EFCAB6: variants seen among roughly 807,000 people sequenced by gnomAD.
EFCAB6 encodes EF-hand calcium-binding domain-containing protein 6.
A neutral mutation model predicts 169.8 loss-of-function variants in EFCAB6; 156 were observed. The observed-to-expected ratio is 0.92, with a 90% CI of 0.81 to 1.05. EFCAB6 has a LOEUF of 1.05. Among genes scored for constraint, EFCAB6 ranks in the 50% least tolerant of loss-of-function variants. The probability of loss-of-function intolerance (pLI) is 0.00; values close to 1 mark genes in which losing one functional copy is unlikely to be tolerated. For missense variants in EFCAB6, 1,800 were observed against 1,829.1 expected (o/e 0.98, Z 0.29); for synonymous variants, 698 against 676.4 (o/e 1.03, Z -0.50).
At position 43,784,636 on chromosome 22, in the gene EFCAB6, TATGTAC is replaced by T. The variant is rs1405154800; in HGVS notation, c.-7-2317_-7-2312del. Among the ~76,000 whole-genome samples, 367 of 76,992 alleles carry T rather than the reference TATGTAC, an allele frequency of 4.8e-3. 48 individuals are homozygous for T. Among genetic ancestry groups the T allele is most frequent in the South Asian group, 0.017 (44 of 2,648 alleles). The allele number at this position is 76,992 out of a possible 152,430, so 50.5% of individuals were successfully genotyped here. A position where few individuals can be genotyped will look rare whatever the true frequency, so the allele number is the denominator to read the frequency against. ...GTGTATATATACACATATATATGTA[TATGTAC>T]ACATATATATGTGTATATATACATA... On this transcript the variant is annotated intron_variant, in intron 2 of 31. Transcript: ENST00000262726.
chr22:43,678,196 GAAAA>G, intron 12 of EFCAB6, 33 bp from the exon 13 acceptor site: 15 of 1,193,734 alleles, frequency 1.3e-5, no homozygotes, highest in Non-Finnish European at 1.1e-5. Flanking sequence ...GGGAATTTTT[GAAAA>G]AAAAAAAAAA....
intron 17 of EFCAB6, among the ~76,000 whole-genome samples, chr22:43,641,080 T>C (rs2055764023): frequency 6.6e-6 from 1 of 152,184 alleles, no homozygotes; most frequent in Non-Finnish European, 1.5e-5. Flanking sequence ...ATTGCTATTG[T>C]GTAGAGAATT....
intron 20 of EFCAB6, among the ~76,000 whole-genome samples, chr22:43,617,655 T>C (rs1471517060): frequency 6.6e-6 from 1 of 152,132 alleles, no homozygotes; most frequent in Non-Finnish European, 1.5e-5. Flanking sequence ...CAGCCTTCCT[T>C]CCTATCAGTC....
At chr22:43,765,455 A>G in intron 4 of EFCAB6, 62 bp from the exon 5 acceptor site, 1 of 1,296,870 alleles carries the variant, frequency 7.7e-7, no homozygotes, top group Non-Finnish European at 1.1e-6. Flanking sequence ...AATAGACGGT[A>G]AAGCAGATTT....
intron 21 of EFCAB6, among the ~76,000 whole-genome samples, chr22:43,613,697 TAACA>T (rs573991713): frequency 1.3e-5 from 2 of 152,130 alleles, no homozygotes; most frequent in East Asian, 3.9e-4. Context: ...ATAATCTGTA[TAACA>T]AACCGCCACG....
intron 30 of EFCAB6, among the ~76,000 whole-genome samples, chr22:43,534,035 T>C (rs2047239704): frequency 6.6e-6 from 1 of 152,226 alleles, no homozygotes; most frequent in Non-Finnish European, 1.5e-5. Context: ...GGTGGATTGC[T>C]TGAGCCCAGG....
At chr22:43,676,477 CACAT>C (rs1198616708) in intron 13 of EFCAB6, among the ~76,000 whole-genome samples, 6 of 151,526 alleles carry the variant, frequency 4.0e-5, no homozygotes, top group Non-Finnish European at 7.4e-5. Context: ...TGTGCCCACC[CACAT>C]ACAAAGAGTG....
At chr22:43,642,797 T>G (rs1280749947) in intron 17 of EFCAB6, among the ~76,000 whole-genome samples, 3 of 152,200 alleles carry the variant, frequency 2.0e-5, no homozygotes, top group Admixed American at 6.5e-5. Context: ...CATGGTCATG[T>G]GCACAGGCCG....
At position 43,784,547 on chromosome 22, in the gene EFCAB6, A is replaced by ATATACACATATATATG. The variant is rs1204100633; in HGVS notation, c.-7-2223_-7-2222insCATATATATGTGTATA. Among the ~76,000 whole-genome samples the ATATACACATATATATG allele has an allele frequency of 8.9e-4, 72 of 81,068 alleles. 4 individuals are homozygous for ATATACACATATATATG. The highest frequency in any genetic ancestry group is 1.4e-3 in the Non-Finnish European group (58 of 41,234). 53.2% of individuals were successfully genotyped at this position (81,068 alleles called of 152,430 possible). A position where few individuals can be genotyped will look rare whatever the true frequency, so the allele number is the denominator to read the frequency against. ...TGTGTGTGTGTGTGTGTGTGTGTAT[A>ATATACACATATATATG]TGTATATATACACATATATATGTGT... is the stretch of plus-strand genomic sequence containing the variant. On this transcript the variant is annotated intron_variant, in intron 2 of 31. Transcript: ENST00000262726.
chr22:43,579,107 C>T (rs1266337210), intron 25 of EFCAB6, among the ~76,000 whole-genome samples: 1 of 148,306 alleles, frequency 6.7e-6, no homozygotes, highest in African/African-American at 2.5e-5. Flanking sequence ...TGTCTACATG[C>T]AAGCATCATT....
chr22:43,729,237 A>G (rs1360253384), intron 8 of EFCAB6, among the ~76,000 whole-genome samples: 2 of 152,140 alleles, frequency 1.3e-5, no homozygotes, highest in African/African-American at 4.8e-5. Flanking sequence ...ACTAGGTCCA[A>G]CCTCCAACAC....
At chr22:43,647,470 G>A (rs938397852) in intron 17 of EFCAB6, among the ~76,000 whole-genome samples, 32 of 152,308 alleles carry the variant, frequency 2.1e-4, no homozygotes, top group African/African-American at 7.7e-4. Context: ...ATACAATAGT[G>A]AACAAAACAG....
At chr22:43,747,966 T>C (rs370247607) in intron 6 of EFCAB6, among the ~76,000 whole-genome samples, 1 of 152,216 alleles carries the variant, frequency 6.6e-6, no homozygotes, top group East Asian at 1.9e-4. Flanking sequence ...ACCATCATAA[T>C]GTGTTGCTTA....
intron 17 of EFCAB6, among the ~76,000 whole-genome samples, chr22:43,644,169 T>C (rs1173981648): frequency 6.6e-6 from 1 of 152,112 alleles, no homozygotes; most frequent in East Asian, 1.9e-4. Context: ...CTGCTTTATG[T>C]AGATTCACTC....
intron 22 of EFCAB6, among the ~76,000 whole-genome samples, chr22:43,605,316 C>G (rs1282395826): frequency 1.3e-5 from 2 of 152,252 alleles, no homozygotes; most frequent in Non-Finnish European, 1.5e-5. Context: ...AAAACTGACC[C>G]CTTCCTTGCT....
chr22:43,568,718 G>A (rs567609106), intron 26 of EFCAB6, among the ~76,000 whole-genome samples: 1 of 152,162 alleles, frequency 6.6e-6, no homozygotes, highest in Non-Finnish European at 1.5e-5. Flanking sequence ...GCCATGGGGT[G>A]TGCTGCATAG....
intron 27 of EFCAB6, among the ~76,000 whole-genome samples, chr22:43,546,358 C>G (rs185128363): frequency 6.6e-6 from 1 of 152,148 alleles, no homozygotes; most frequent in South Asian, 2.1e-4. Flanking sequence ...ACATCAGAGC[C>G]GCCTGGAGTG....
intron 17 of EFCAB6, among the ~76,000 whole-genome samples, chr22:43,647,149 A>C (rs990051685): frequency 6.7e-6 from 1 of 148,430 alleles, no homozygotes; most frequent in Non-Finnish European, 1.5e-5. Flanking sequence ...CTATACAAAA[A>C]CAAATAAAAT....
intron 26 of EFCAB6, among the ~76,000 whole-genome samples, chr22:43,560,601 G>A (rs2048969759): frequency 6.6e-6 from 1 of 152,216 alleles, no homozygotes; most frequent in African/African-American, 2.4e-5. Flanking sequence ...CCCTGGTTGG[G>A]GTGGCCACTG....
Sources: gnomAD v4.1 joint callset for allele counts (sites outside exome capture counted in the v4.1 genomes callset) on GRCh38, gnomAD v4.1.1 for gene constraint, MANE v1.5 for transcripts, NCBI Gene and HGNC (gene_info 2026-07-23, HGNC 2026-07-21) for gene names.